The following MEMO1 variants were observed in gnomAD, a reference collection of about 807,000 sequenced individuals.
MEMO1 encodes mediator of cell motility 1.
A neutral mutation model predicts 45.2 loss-of-function variants in MEMO1; 6 were observed. That is an observed-to-expected ratio of 0.13 (90% CI 0.07 to 0.26). The LOEUF is 0.26. Ranked by LOEUF, MEMO1 falls within the 10% of genes least tolerant of loss-of-function variation. MEMO1 has a pLI of 1.00. For missense variants in MEMO1, 184 were observed against 370.5 expected (o/e 0.50, Z 4.13); for synonymous variants, 78 against 124.3 (o/e 0.63, Z 2.48).
chr2:31,983,840 G>A (rs1670951048), intron 2 of MEMO1, among the ~76,000 whole-genome samples: 1 of 152,238 alleles, frequency 6.6e-6, no homozygotes, highest in African/African-American at 2.4e-5. Flanking sequence ...TGAGCTTGAA[G>A]CATCTTGAAG....
chr2:31,926,532 T>A (rs1683139921), intron 4 of MEMO1, among the ~76,000 whole-genome samples: 1 of 152,142 alleles, frequency 6.6e-6, no homozygotes, highest in Non-Finnish European at 1.5e-5. Flanking sequence ...TTTTTTCTGA[T>A]AAAATACATG....
intron 8 of MEMO1, among the ~76,000 whole-genome samples, chr2:31,882,596 T>C (rs1675573741): frequency 6.6e-6 from 1 of 152,006 alleles, no homozygotes; most frequent in Non-Finnish European, 1.5e-5. Flanking sequence ...AAAAATAAAT[T>C]AACAAAACAA....
At chr2:31,974,599 G>T (rs1228158475) in intron 2 of MEMO1, among the ~76,000 whole-genome samples, 1 of 152,024 alleles carries the variant, frequency 6.6e-6, no homozygotes, top group African/African-American at 2.4e-5. Flanking sequence ...ACAAAAATTA[G>T]CCGGGCATGG....
At chr2:31,884,721 T>C (rs1675927827) in intron 7 of MEMO1, among the ~76,000 whole-genome samples, 1 of 152,190 alleles carries the variant, frequency 6.6e-6, no homozygotes, top group African/African-American at 2.4e-5. Flanking sequence ...AATGTTCACA[T>C]TTTAACTTTT....
rs571645702 is a variant in MEMO1 at position 31,912,970 on chromosome 2, C to G, written c.437+4956G>C. 2.0e-5 allele frequency among the ~76,000 whole-genome samples: 3 copies of G among 152,208 alleles called. No homozygotes were observed. The East Asian group carries it at 5.8e-4, about 29-fold the overall frequency. ...TTTTTTTAAAAAGCTCTAATGAATA[C>G]AATTTTTAAATCTATTAAAAACATG... On this transcript the variant is annotated intron_variant, in intron 6 of 9. Coordinates refer to ENST00000404530, the MANE Select transcript of MEMO1 (RefSeq NM_001301833.4).
intron 5 of MEMO1, among the ~76,000 whole-genome samples, chr2:31,919,275 T>C (rs1013110967): frequency 6.6e-6 from 1 of 151,820 alleles, no homozygotes; most frequent in African/African-American, 2.4e-5. Flanking sequence ...CGCTGCCCCA[T>C]GCCCTCCCCC....
At chr2:32,006,964 C>CAAAAAAA (rs67557055) in intron 2 of MEMO1, among the ~76,000 whole-genome samples, 7 of 75,962 alleles carry the variant, frequency 9.2e-5, no homozygotes, top group Non-Finnish European at 1.8e-4. Context: ...GATTCCATCT[C>CAAAAAAA]AAAAAAAAAA....
At chr2:31,972,522 C>T (rs1324674377) in intron 2 of MEMO1, among the ~76,000 whole-genome samples, 2 of 152,064 alleles carry the variant, frequency 1.3e-5, no homozygotes, top group African/African-American at 2.4e-5. Flanking sequence ...ACCAGCCTGG[C>T]CAACATGGTG....
At chr2:31,890,647 G>T (rs938270216) in intron 7 of MEMO1, among the ~76,000 whole-genome samples, 4 of 152,054 alleles carry the variant, frequency 2.6e-5, no homozygotes, top group African/African-American at 4.8e-5. Flanking sequence ...TCTCTGGGGG[G>T]TTGGAAAGGA....
At chr2:31,954,425 C>G (rs1181781190) in intron 2 of MEMO1, among the ~76,000 whole-genome samples, 1 of 152,022 alleles carries the variant, frequency 6.6e-6, no homozygotes. Context: ...TTTAACATAC[C>G]AAGACCTTGT....
intron 4 of MEMO1, among the ~76,000 whole-genome samples, chr2:31,930,516 C>G (rs772634818): frequency 1.3e-5 from 2 of 152,146 alleles, no homozygotes; most frequent in Admixed American, 1.3e-4. Flanking sequence ...GGTGTCCCAT[C>G]AGCACAGGAG....
intron 2 of MEMO1, among the ~76,000 whole-genome samples, chr2:32,006,716 C>T (rs2148620893): frequency 6.6e-6 from 1 of 152,166 alleles, no homozygotes; most frequent in South Asian, 2.1e-4. Flanking sequence ...CCTGTAATCC[C>T]AGCACTTTGG....
intron 4 of MEMO1, 27 bp from the exon 5 acceptor site, chr2:31,920,937 G>T: frequency 7.0e-7 from 1 of 1,421,338 alleles, no homozygotes; most frequent in Non-Finnish European, 9.8e-7. Context: ...AAAAAAACAC[G>T]TAACAATTGC....
rs557248634 is a variant in MEMO1 at position 31,949,315 on chromosome 2, G to A, written c.62-5932C>T. On this transcript the variant is annotated intron_variant, in intron 2 of 9. Coordinates refer to ENST00000404530, the MANE Select transcript of MEMO1 (RefSeq NM_001301833.4). ...ATTGAAGGGATACCTGCACTCCTAT[G>A]GTTGTTGCAGCACAGTTTACAATAG... 7.2e-4 allele frequency among the ~76,000 whole-genome samples: 110 copies of A among 152,250 alleles called. 1 individual carries two copies. The South Asian group carries it at 0.016, about 22-fold the overall frequency.
intron 2 of MEMO1, among the ~76,000 whole-genome samples, chr2:31,976,268 A>G (rs1333800226): frequency 4.6e-5 from 7 of 152,228 alleles, no homozygotes; most frequent in Admixed American, 1.3e-4. Context: ...TAGAAAGTAT[A>G]ATTCAGAACT....
intron 6 of MEMO1, among the ~76,000 whole-genome samples, chr2:31,902,986 T>C (rs1679091531): frequency 6.6e-6 from 1 of 152,172 alleles, no homozygotes; most frequent in Non-Finnish European, 1.5e-5. Flanking sequence ...GAAAACATTA[T>C]AATTTAATTG....
chr2:31,951,618 C>T (rs1666861251), intron 2 of MEMO1, among the ~76,000 whole-genome samples: 1 of 151,970 alleles, frequency 6.6e-6, no homozygotes, highest in South Asian at 2.1e-4. Flanking sequence ...CTGCAACCTC[C>T]ACCTCCCAGG....
At chr2:32,001,032 A>ATTTTT (rs66617379) in intron 2 of MEMO1, among the ~76,000 whole-genome samples, 31 of 104,532 alleles carry the variant, frequency 3.0e-4, no homozygotes, top group African/African-American at 6.3e-4. Context: ...ATAAATTTTG[A>ATTTTT]TTTTTTTTTT....
At chr2:31,883,311 T>C in intron 8 of MEMO1, 75 bp downstream of exon 8, 1 of 995,616 alleles carries the variant, frequency 1.0e-6, no homozygotes, top group Non-Finnish European at 1.5e-6. Context: ...TTTCAACATG[T>C]TAAGTCTTGA....
Sources: allele counts gnomAD v4.1 joint callset (sites outside exome capture counted in the v4.1 genomes callset), GRCh38; gene constraint gnomAD v4.1.1; transcripts MANE v1.5; gene names NCBI Gene and HGNC (gene_info 2026-07-23, HGNC 2026-07-21).